Variants in CACNA1E observed in about 807,000 individuals in gnomAD.
CACNA1E encodes the protein calcium voltage-gated channel subunit alpha1 E, also known as voltage-dependent R-type calcium channel subunit alpha-1E.
Under a neutral mutation model 259.2 loss-of-function variants are expected in CACNA1E, and 40 were observed. That is an observed-to-expected ratio of 0.15 (90% confidence interval 0.12 to 0.20). The LOEUF (loss-of-function observed/expected upper bound fraction) is 0.20. CACNA1E is among the 10% of genes least tolerant of loss of function. The probability of loss-of-function intolerance (pLI) is 1.00; values close to 1 mark genes in which losing one functional copy is unlikely to be tolerated. For missense variants in CACNA1E, 1,874 were observed against 3,040.1 expected (o/e 0.62, Z 9.02); for synonymous variants, 1,104 against 1,138.5 (o/e 0.97, Z 0.61).
chr1:181,374,736 G>T (rs1654973464), intron 1 of CACNA1E, among the ~76,000 whole-genome samples: 1 of 152,144 alleles, frequency 6.6e-6, no homozygotes, highest in East Asian at 1.9e-4. Context: ...CAAAATGCTG[G>T]TATTACAAGT....
chr1:181,688,132 T>C (rs1572604266), intron 7 of CACNA1E, among the ~76,000 whole-genome samples: 1 of 152,180 alleles, frequency 6.6e-6, no homozygotes, highest in African/African-American at 2.4e-5. Context: ...GCTTAAGTGA[T>C]AGAACATTAC....
At chr1:181,694,546 C>T (rs1651514693) in intron 7 of CACNA1E, among the ~76,000 whole-genome samples, 1 of 152,170 alleles carries the variant, frequency 6.6e-6, no homozygotes, top group African/African-American at 2.4e-5. Context: ...ATCCCACTTT[C>T]CCATGCTCTG....
At chr1:181,775,272 C>T (rs760694462) in intron 37 of CACNA1E, among the ~76,000 whole-genome samples, 1 of 152,170 alleles carries the variant, frequency 6.6e-6, no homozygotes, top group Non-Finnish European at 1.5e-5. Flanking sequence ...CTTGGAACAG[C>T]CAAGAACCTG....
chr1:181,322,953 G>A (rs751950912), intron 1 of CACNA1E, among the ~76,000 whole-genome samples: 17 of 152,196 alleles, frequency 1.1e-4, no homozygotes, highest in African/African-American at 1.7e-4. Flanking sequence ...GCACAACTGC[G>A]TATGGCACGG....
intron 33 of CACNA1E, among the ~76,000 whole-genome samples, chr1:181,763,076 C>T (rs1333506502): frequency 6.6e-6 from 1 of 152,144 alleles, no homozygotes; most frequent in Non-Finnish European, 1.5e-5. Context: ...AGAGGGCCAG[C>T]GTGTGCTAGA....
chr1:181,498,633 A>G (rs1664987480), intron 1 of CACNA1E, among the ~76,000 whole-genome samples: 1 of 152,222 alleles, frequency 6.6e-6, no homozygotes, highest in African/African-American at 2.4e-5. Context: ...CTAGAATATT[A>G]GATTTATAGA....
At chr1:181,686,279 T>TG (rs1650536048) in intron 7 of CACNA1E, among the ~76,000 whole-genome samples, 2 of 118,932 alleles carry the variant, frequency 1.7e-5, no homozygotes, top group Non-Finnish European at 3.5e-5. Context: ...AACCAAGTTT[T>TG]TTTTTTTTTT....
rs1659982033 is a variant in CACNA1E at position 181,776,424 on chromosome 1, C to T, written c.5267+196C>T. On this transcript the variant is annotated intron_variant, in intron 38 of 47. Transcript: ENST00000367573. This position sits in a 1 kb window ranked among gnomAD's most constrained non-coding sequence, Gnocchi z 4.4. ...GGACTTCTGTATCCTCCTTTCCCCTCTCTTTCCTTCTGTGACAGGGTTTTC... is the reference window on the plus strand; with the variant it reads ...GGACTTCTGTATCCTCCTTTCCCCTTTCTTTCCTTCTGTGACAGGGTTTTC... 5.3e-6 allele frequency: 3 copies of T among 562,372 alleles called. No homozygotes were observed. Among genetic ancestry groups the T allele is most frequent in the Non-Finnish European group, 9.5e-6 (3 of 314,876 alleles). 34.8% of individuals were successfully genotyped at this position (562,372 alleles called of 1,614,324 possible).
At chr1:181,647,840 G>C (rs1414356685) in intron 6 of CACNA1E, among the ~76,000 whole-genome samples, 1 of 152,204 alleles carries the variant, frequency 6.6e-6, no homozygotes, top group Non-Finnish European at 1.5e-5. Context: ...AAACATGCAA[G>C]GGGAGTGGAA....
intron 6 of CACNA1E, among the ~76,000 whole-genome samples, chr1:181,585,107 G>T (rs1651928889): frequency 6.6e-6 from 1 of 152,006 alleles, no homozygotes; most frequent in Non-Finnish European, 1.5e-5. Flanking sequence ...GCTTGGAATT[G>T]GATACTAGTA....
intron 6 of CACNA1E, among the ~76,000 whole-genome samples, chr1:181,626,916 G>A (rs945952620): frequency 6.6e-6 from 1 of 152,150 alleles, no homozygotes; most frequent in Non-Finnish European, 1.5e-5. Context: ...AGGAAAACAT[G>A]CCCAGGGCGT....
chr1:181,579,606 C>T (rs543096483), intron 5 of CACNA1E, among the ~76,000 whole-genome samples: 9 of 152,128 alleles, frequency 5.9e-5, no homozygotes, highest in Non-Finnish European at 1.2e-4. Context: ...AGTTTGAGGC[C>T]AGCCTGGACA....
At chr1:181,354,632 T>G (rs1653287344) in intron 1 of CACNA1E, among the ~76,000 whole-genome samples, 1 of 152,152 alleles carries the variant, frequency 6.6e-6, no homozygotes, top group Admixed American at 6.5e-5. Context: ...CTCCATCCCT[T>G]CAGAGGGACA....
intron 3 of CACNA1E, among the ~76,000 whole-genome samples, chr1:181,540,558 A>G (rs1352321990): frequency 6.6e-6 from 1 of 152,214 alleles, no homozygotes; most frequent in Non-Finnish European, 1.5e-5. Context: ...TTGAAAAACA[A>G]CGTGTGCAGG....
intron 1 of CACNA1E, among the ~76,000 whole-genome samples, chr1:181,486,916 C>T (rs1442201025): frequency 1.3e-5 from 2 of 152,146 alleles, no homozygotes; most frequent in Non-Finnish European, 2.9e-5. Context: ...ATCCTGGGCC[C>T]CACTTCAATC....
At position 181,599,227 on chromosome 1, in the gene CACNA1E, G is replaced by A. The variant is rs577634078; in HGVS notation, c.951+18451G>A. 9.2e-5 allele frequency among the ~76,000 whole-genome samples: 14 copies of A among 152,106 alleles called. No homozygotes were observed. The South Asian group carries it at 2.1e-3, about 23-fold the overall frequency. ...GAGAACATGGGGCATTTGGTTTTCC[G>A]TTCTTGTGTTAGTTTGCTAAGGATA... On this transcript the variant is annotated intron_variant, in intron 6 of 47. Coordinates refer to ENST00000367573, the MANE Select transcript of CACNA1E (RefSeq NM_001205293.3).
intron 6 of CACNA1E, among the ~76,000 whole-genome samples, chr1:181,616,881 ACTT>A (rs1417336191): frequency 1.3e-5 from 2 of 152,208 alleles, no homozygotes; most frequent in Non-Finnish European, 2.9e-5. Context: ...AAGCTTTTCT[ACTT>A]CTTGTGTCAA....
At chr1:181,456,788 C>T (rs116165941) in intron 2 of CACNA1E, among the ~76,000 whole-genome samples, 4,144 of 152,306 alleles carry the variant, frequency 0.027, 68 homozygotes, top group South Asian at 0.065. Context: ...TGGTATTCTT[C>T]AGCTCCAATG....
At chr1:181,570,061 C>T (rs1421516996) in intron 3 of CACNA1E, among the ~76,000 whole-genome samples, 3 of 152,114 alleles carry the variant, frequency 2.0e-5, no homozygotes, top group Non-Finnish European at 2.9e-5. Flanking sequence ...CTGAGAGGTC[C>T]GTTTATCTGA....
Sources: gnomAD v4.1 joint callset for allele counts (sites outside exome capture counted in the v4.1 genomes callset) on GRCh38, gnomAD v4.1.1 for gene constraint, Gnocchi (gnomAD v3.1) non-coding constraint, MANE v1.5 for transcripts, NCBI Gene and HGNC (gene_info 2026-07-23, HGNC 2026-07-21) for gene names.